The following FAM184A variants were observed in gnomAD, a reference collection of about 807,000 sequenced individuals.
The protein encoded by FAM184A is family with sequence similarity 184 member A, also known as protein FAM184A.
FAM184A carries 99 observed loss-of-function variants against 143.8 expected under a neutral mutation model. The ratio of observed to expected loss-of-function variants is 0.69; its 90% CI spans 0.58 to 0.81. FAM184A has a LOEUF of 0.81. Among genes scored for constraint, FAM184A ranks in the 40% least tolerant of loss-of-function variants. The pLI, the probability that FAM184A is intolerant of heterozygous loss-of-function variation, is 0.00. For synonymous variants in FAM184A, 427 were observed against 446.4 expected, an observed-to-expected ratio of 0.96 and a Z score of 0.55; for missense variants, 1,217 against 1,310.5, an observed-to-expected ratio of 0.93 and a Z score of 1.10.
At chr6:119,137,738 G>A (rs1412790107) in intron 1 of FAM184A, among the ~76,000 whole-genome samples, 1 of 152,180 alleles carries the variant, frequency 6.6e-6, no homozygotes, top group Non-Finnish European at 1.5e-5. Flanking sequence ...TACTGCTGTT[G>A]GCAGTCCTGT....
At chr6:118,965,754 C>T (rs747588353) in intron 15 of FAM184A, among the ~76,000 whole-genome samples, 5 of 152,146 alleles carry the variant, frequency 3.3e-5, no homozygotes, top group African/African-American at 7.2e-5. Flanking sequence ...GTGCTGCTTT[C>T]GAAAGTTGCT....
At chr6:119,148,450 C>G (rs1772529569) in intron 1 of FAM184A, among the ~76,000 whole-genome samples, 1 of 152,220 alleles carries the variant, frequency 6.6e-6, no homozygotes, top group African/African-American at 2.4e-5. Context: ...CTAACCCCCA[C>G]TGGGTAAATG....
At chr6:119,092,975 C>A (rs1562147223) in intron 1 of FAM184A, among the ~76,000 whole-genome samples, 1 of 152,140 alleles carries the variant, frequency 6.6e-6, no homozygotes, top group South Asian at 2.1e-4. Context: ...ACCCTGGTTA[C>A]CCCTATAGTC....
At chr6:119,033,316 A>C (rs770482376) in intron 1 of FAM184A, among the ~76,000 whole-genome samples, 5 of 152,314 alleles carry the variant, frequency 3.3e-5, no homozygotes, top group African/African-American at 1.2e-4. Context: ...CTGGTGATCA[A>C]TAACAGCACA....
At chr6:119,017,665 C>G (rs1037811431) in intron 4 of FAM184A, among the ~76,000 whole-genome samples, 2 of 152,002 alleles carry the variant, frequency 1.3e-5, no homozygotes, top group African/African-American at 2.4e-5. Context: ...AAGACTATGG[C>G]AATATAGTTT....
At chr6:119,039,816 C>T (rs990011356) in intron 1 of FAM184A, among the ~76,000 whole-genome samples, 3 of 152,170 alleles carry the variant, frequency 2.0e-5, no homozygotes, top group Non-Finnish European at 4.4e-5. Context: ...AACATCAAAA[C>T]GTTAATTGGA....
chr6:118,992,398 G>A (rs751689420), intron 9 of FAM184A, among the ~76,000 whole-genome samples: 37 of 152,306 alleles, frequency 2.4e-4, no homozygotes, highest in Non-Finnish European at 4.9e-4. Flanking sequence ...CTAACCTCCA[G>A]TGTGAGGATA....
At chr6:119,134,383 T>G (rs1289155356) in intron 1 of FAM184A, among the ~76,000 whole-genome samples, 1 of 152,106 alleles carries the variant, frequency 6.6e-6, no homozygotes, top group African/African-American at 2.4e-5. Context: ...TCTAATAGAT[T>G]GATACAAATT....
intron 16 of FAM184A, chr6:118,962,899 T>C (rs1286966293): frequency 6.6e-6 from 1 of 152,056 alleles, no homozygotes; most frequent in East Asian, 1.9e-4. Flanking sequence ...CCAATTAAAT[T>C]TGTAAGCTTT....
intron 1 of FAM184A, among the ~76,000 whole-genome samples, chr6:119,038,263 T>C (rs1786185591): frequency 6.6e-6 from 1 of 152,206 alleles, no homozygotes; most frequent in South Asian, 2.1e-4. Context: ...TTGGGGATGC[T>C]GGACACAGAG....
intron 3 of FAM184A, among the ~76,000 whole-genome samples, chr6:119,020,560 G>A (rs570384763): frequency 5.3e-5 from 8 of 152,228 alleles, no homozygotes; most frequent in Admixed American, 2.0e-4. Context: ...ACACTGTGGC[G>A]CCAAAATGAG....
intron 9 of FAM184A, among the ~76,000 whole-genome samples, chr6:118,997,236 C>T (rs1784595380): frequency 7.0e-6 from 1 of 143,686 alleles, no homozygotes; most frequent in Non-Finnish European, 1.5e-5. Flanking sequence ...CCCATCTCTA[C>T]TAAAAATATA....
At position 119,135,807 on chromosome 6, in the gene FAM184A, C is replaced by G. The variant is rs552332990; in HGVS notation, c.-202+13271G>C. Among the ~76,000 whole-genome samples the G allele has an allele frequency of 8.5e-5, 13 of 152,174 alleles. 1 individual carries two copies. The highest frequency in any genetic ancestry group is 5.9e-4 in the Admixed American group (9 of 15,284). On this transcript the variant is annotated intron_variant, in intron 1 of 16. Transcript: ENST00000352896. ...TAGAATTTGGTTGAAATTGATTCAC[C>G]AGGTGAATTCTACTATTTTTTAGGT... is the stretch of plus-strand genomic sequence containing the variant.
chr6:118,999,089 G>A (rs1303188267), intron 9 of FAM184A, among the ~76,000 whole-genome samples: 1 of 152,156 alleles, frequency 6.6e-6, no homozygotes, highest in Non-Finnish European at 1.5e-5. Flanking sequence ...GAGCAGTGGG[G>A]ACTGCTGATG....
At chr6:119,021,004 G>C (rs976964578) in intron 3 of FAM184A, among the ~76,000 whole-genome samples, 8 of 152,148 alleles carry the variant, frequency 5.3e-5, no homozygotes, top group Non-Finnish European at 8.8e-5. Context: ...GAAGAAAAAG[G>C]TCTCATAGAA....
intron 1 of FAM184A, among the ~76,000 whole-genome samples, chr6:119,119,690 G>C (rs1404290548): frequency 6.6e-6 from 1 of 152,128 alleles, no homozygotes; most frequent in Non-Finnish European, 1.5e-5. Flanking sequence ...CTATATTGAG[G>C]CTAGGTGTCG....
At chr6:119,145,701 C>T (rs900005138) in intron 1 of FAM184A, among the ~76,000 whole-genome samples, 2 of 152,152 alleles carry the variant, frequency 1.3e-5, no homozygotes, top group African/African-American at 4.8e-5. Flanking sequence ...GTTTTGAGGA[C>T]CAACTATTAG....
Position 119,000,725 on chromosome 6 carries a change from T to C in FAM184A, c.2088+2174A>G, listed in dbSNP as rs150834552. On this transcript the variant is annotated intron_variant, in intron 9 of 17. Transcript: ENST00000338891. ...TAGTTAAAATATGTGAAAACGCACA[T>C]CCTCTGATACTTTTTCATAGCATAT... 3.1e-3 allele frequency among the ~76,000 whole-genome samples: 475 copies of C among 152,204 alleles called. No homozygotes were observed. In the Middle Eastern group the frequency reaches 0.048, roughly 15 times the overall value.
chr6:119,052,192 C>T lies in FAM184A; in HGVS notation c.159+25949G>A, dbSNP rs1786794828. Reference sequence around the variant, plus strand: ...AAAGACTGAAAATAATTTCAATTAGCTATTTTGGATATAGACACCTACATT... The same window carrying T: ...AAAGACTGAAAATAATTTCAATTAGTTATTTTGGATATAGACACCTACATT... On this transcript the variant is annotated intron_variant, in intron 1 of 17. Transcript: ENST00000338891. Among the ~76,000 whole-genome samples, 4 of 152,320 alleles carry T rather than the reference C, an allele frequency of 2.6e-5. No individual in the cohort carries two copies. In the South Asian group the frequency reaches 8.3e-4, roughly 32 times the overall value.
Sources: allele counts gnomAD v4.1 joint callset (sites outside exome capture counted in the v4.1 genomes callset), GRCh38; gene constraint gnomAD v4.1.1; transcripts MANE v1.5; gene names NCBI Gene and HGNC (gene_info 2026-07-23, HGNC 2026-07-21).